STK3: variants seen among roughly 807,000 people sequenced by gnomAD.
STK3 encodes serine/threonine-protein kinase 3.
STK3 carries 41 observed loss-of-function variants against 58.0 expected under a neutral mutation model. The ratio of observed to expected loss-of-function variants is 0.71; its 90% CI spans 0.55 to 0.92. The LOEUF (loss-of-function observed/expected upper bound fraction) is 0.92, where lower values mean the gene tolerates loss of function less well. Ranked by LOEUF, STK3 falls within the 40% of genes least tolerant of loss-of-function variation. STK3 has a pLI of 0.00. For missense variants in STK3, 479 were observed against 602.7 expected (o/e 0.79, Z 2.15); for synonymous variants, 170 against 191.0 (o/e 0.89, Z 0.91).
chr8:98,707,198 A>C lies in STK3; in HGVS notation c.465T>G (p.Asn155Lys). 6.2e-7 allele frequency: 1 copy of C among 1,612,674 alleles called. No individual in the cohort carries two copies. Among genetic ancestry groups the C allele is most frequent in the Non-Finnish European group, 8.5e-7 (1 of 1,179,594 alleles). Reference protein sequence around the residue: ...RDIKAGNILLNTEGHAKLADF... With the variant: ...RDIKAGNILLKTEGHAKLADF... The stretch of plus-strand genomic sequence containing the variant: ...CTGCCAATTTTGCATGTCCTTCTGT[A>C]TTGAGGAGAATATTTCCAGCTTTTA... Residue 155 changes from asparagine to lysine, a missense_variant, in exon 5 of 11, where the codon AAT (asparagine) becomes AAG (lysine). By Grantham distance (94) the Asn-to-Lys change is moderately conservative. Coordinates refer to ENST00000419617, the MANE Select transcript of STK3 (RefSeq NM_006281.4).
downstream of STK3, among the ~76,000 whole-genome samples, chr8:98,398,511 A>G (rs984137125): frequency 5.3e-5 from 8 of 152,062 alleles, no homozygotes; most frequent in Admixed American, 5.2e-4. Flanking sequence ...AAAACCCCCA[A>G]TTCTCCCATC....
rs151333160 is a variant in STK3 at position 98,552,250 on chromosome 8, T to C, written c.949-4089A>G. ...AATAGCCTACTGACTGTTCTTATTG[T>C]TTCCATTTTTGCCCCTTTTAGTCTC... On this transcript the variant is annotated intron_variant, in intron 8 of 10. Coordinates refer to ENST00000419617, the MANE Select transcript of STK3 (RefSeq NM_006281.4). Among the ~76,000 whole-genome samples, 121 of 152,236 alleles carry C rather than the reference T, an allele frequency of 7.9e-4. 2 individuals carry two copies. Among genetic ancestry groups the C allele is most frequent in the African/African-American group, 2.7e-3 (114 of 41,568 alleles).
In STK3 at chr8:98,488,347, G is replaced by C. The variant is rs1017818924; in HGVS notation, c.1318-32347C>G. 6.6e-5 allele frequency among the ~76,000 whole-genome samples: 10 copies of C among 152,168 alleles called. No individual in the cohort carries two copies. The South Asian group carries it at 1.2e-3, about 19-fold the overall frequency. On this transcript the variant is annotated intron_variant, in intron 10 of 10. Coordinates refer to ENST00000419617, the MANE Select transcript of STK3 (RefSeq NM_006281.4). ...TTTAATTAGAAAAAAATGTCCTTGA[G>C]GGTGGGATTCAGATGCAGTTTTATA...
intron 10 of STK3, among the ~76,000 whole-genome samples, chr8:98,488,455 A>T (rs1822440346): frequency 6.6e-6 from 1 of 152,200 alleles, no homozygotes; most frequent in South Asian, 2.1e-4. Context: ...ACTGTTTCCT[A>T]GTTACTAGGG....
chr8:98,842,194 A>T (rs1381931141), intron 3 of STK3, among the ~76,000 whole-genome samples: 3 of 152,224 alleles, frequency 2.0e-5, no homozygotes, highest in African/African-American at 2.4e-5. Flanking sequence ...TAAAATTTTT[A>T]AATTCTCCTT....
intron 7 of STK3, among the ~76,000 whole-genome samples, chr8:98,588,425 C>T (rs1385241782): frequency 6.6e-6 from 1 of 150,902 alleles, no homozygotes; most frequent in East Asian, 1.9e-4. Context: ...TGAATATTGG[C>T]CCCCACTCTC....
chr8:98,539,345 C>T (rs763692225), intron 9 of STK3, among the ~76,000 whole-genome samples: 19 of 152,078 alleles, frequency 1.2e-4, no homozygotes, highest in East Asian at 1.9e-4. Flanking sequence ...GCAAAGAATA[C>T]GGCATGGAAG....
At chr8:98,723,629 C>T (rs1035718502) in intron 4 of STK3, among the ~76,000 whole-genome samples, 1 of 152,118 alleles carries the variant, frequency 6.6e-6, no homozygotes, top group South Asian at 2.1e-4. Flanking sequence ...AGCTAAACAC[C>T]TTTTGGACAT....
intron 1 of STK3, among the ~76,000 whole-genome samples, chr8:98,885,914 T>C (rs1342745425): frequency 6.6e-6 from 1 of 152,168 alleles, no homozygotes; most frequent in Non-Finnish European, 1.5e-5. Context: ...ACTCCTCCAA[T>C]GGATCTCAAG....
intron 1 of STK3, among the ~76,000 whole-genome samples, chr8:98,785,188 C>A (rs1832381494): frequency 6.6e-6 from 1 of 152,186 alleles, no homozygotes. Flanking sequence ...CTCCCTGCTT[C>A]ATGCCCAGGC....
At chr8:98,775,841 C>T (rs1035038123) in intron 1 of STK3, among the ~76,000 whole-genome samples, 4 of 152,004 alleles carry the variant, frequency 2.6e-5, no homozygotes, top group Non-Finnish European at 5.9e-5. Context: ...TCTGTCAGCA[C>T]GGCAGAGAAA....
In STK3 at chr8:98,821,500, TA is replaced by T. The variant is rs538932582; in HGVS notation, c.26+4014del. On this transcript the variant is annotated intron_variant, in intron 1 of 10. Transcript: ENST00000419617. ...ATGGCAAGACCTCATCTCTACAAAT[TA>T]AAAAAAAAAAAAATTAGGTATGGTG... 2.5e-3 allele frequency among the ~76,000 whole-genome samples: 346 copies of T among 138,796 alleles called. 2 individuals carry two copies. The highest frequency in any genetic ancestry group is 6.6e-3 in the East Asian group (32 of 4,876). The allele number at this position is 138,796 out of a possible 152,430, so 91.1% of individuals were successfully genotyped here.
chr8:98,801,626 C>T (rs1421755470), intron 1 of STK3, among the ~76,000 whole-genome samples: 1 of 152,004 alleles, frequency 6.6e-6, no homozygotes, highest in Non-Finnish European at 1.5e-5. Flanking sequence ...AGCAAGACCA[C>T]GAACCCACCA....
intron 4 of STK3, among the ~76,000 whole-genome samples, chr8:98,741,412 A>G (rs1449698805): frequency 6.6e-6 from 1 of 152,254 alleles, no homozygotes; most frequent in African/African-American, 2.4e-5. Flanking sequence ...ACCACAGTAC[A>G]ATCAAACTAG....
intron 10 of STK3, among the ~76,000 whole-genome samples, chr8:98,509,108 C>CAT (rs747025171): frequency 1.6e-4 from 24 of 151,940 alleles, no homozygotes; most frequent in Non-Finnish European, 2.5e-4. Flanking sequence ...AGAGATTCAG[C>CAT]ATATGATGAA....
intron 3 of STK3, among the ~76,000 whole-genome samples, chr8:98,417,510 T>C (rs1400364806): frequency 9.1e-6 from 1 of 110,344 alleles, no homozygotes; most frequent in Non-Finnish European, 1.9e-5. Context: ...CGAGACTCTG[T>C]CTCAAAAAAT....
At chr8:98,825,408 G>T in intron 1 of STK3, 107 bp downstream of exon 1, 3 of 1,088,050 alleles carry the variant, frequency 2.8e-6, no homozygotes, top group Non-Finnish European at 3.5e-6. Flanking sequence ...GCCCGGCTCG[G>T]GGCCCGGCGG....
chr8:98,631,856 C>A (rs539347380), intron 6 of STK3, among the ~76,000 whole-genome samples: 1 of 152,106 alleles, frequency 6.6e-6, no homozygotes, highest in Non-Finnish European at 1.5e-5. Context: ...ATAGAAAATG[C>A]GTTTCACTAT....
intron 7 of STK3, among the ~76,000 whole-genome samples, chr8:98,589,895 G>C (rs1815119175): frequency 6.6e-6 from 1 of 152,190 alleles, no homozygotes; most frequent in African/African-American, 2.4e-5. Flanking sequence ...CTTTGACTAG[G>C]AAAGGGAACC....
Sources: allele counts gnomAD v4.1 joint callset (sites outside exome capture counted in the v4.1 genomes callset), GRCh38; gene constraint gnomAD v4.1.1; transcripts MANE v1.5; gene names NCBI Gene and HGNC (gene_info 2026-07-23, HGNC 2026-07-21).